NLRC4: variants seen among roughly 807,000 people sequenced by gnomAD.
The protein encoded by NLRC4 is NLR family CARD domain containing 4, also known as NLR family CARD domain-containing protein 4.
Under a neutral mutation model 79.9 loss-of-function variants are expected in NLRC4, and 63 were observed. The observed-to-expected ratio is 0.79, with a 90% CI of 0.64 to 0.97. The LOEUF is 0.97. NLRC4 is among the 50% of genes least tolerant of loss of function. The pLI is 0.00. For synonymous variants in NLRC4, 461 were observed against 456.5 expected, an observed-to-expected ratio of 1.01 and a Z score of -0.12; for missense variants, 1,074 against 1,215.2, an observed-to-expected ratio of 0.88 and a Z score of 1.73.
chr2:32,238,380 A>G (rs1686720435), intron 5 of NLRC4, 78 bp from the exon 6 acceptor site: 1 of 1,249,436 alleles, frequency 8.0e-7, no homozygotes, highest in African/African-American at 1.5e-5. Context: ...CTGAAAAGAA[A>G]GCAAAGAATA....
At chr2:32,245,699 C>T (rs1214642540) in intron 4 of NLRC4, among the ~76,000 whole-genome samples, 1 of 152,132 alleles carries the variant, frequency 6.6e-6, no homozygotes, top group Non-Finnish European at 1.5e-5. Flanking sequence ...TTACACATTG[C>T]ATGCCTGGAT....
intron 1 of NLRC4, among the ~76,000 whole-genome samples, chr2:32,264,303 G>A (rs559166537): frequency 1.3e-5 from 2 of 151,606 alleles, no homozygotes; most frequent in Non-Finnish European, 1.5e-5. Context: ...GCGCGGTGCC[G>A]GGTGCCTGTA....
intron 8 of NLRC4, among the ~76,000 whole-genome samples, chr2:32,233,138 A>G (rs1457809829): frequency 0.045 from 190 of 4,228 alleles, 4 homozygotes; most frequent in African/African-American, 0.18. Flanking sequence ...GGGAGGGAGG[A>G]AGGAAGGAAG....
At chr2:32,237,143 T>G (rs920014939) in intron 6 of NLRC4, among the ~76,000 whole-genome samples, 2 of 152,214 alleles carry the variant, frequency 1.3e-5, no homozygotes, top group African/African-American at 4.8e-5. Flanking sequence ...CTTCACATAT[T>G]ATCACTCTTG....
chr2:32,261,316 C>CCTTTTTTTTTTTTTTTTT, intron 1 of NLRC4, among the ~76,000 whole-genome samples: 10 of 96,924 alleles, frequency 1.0e-4, no homozygotes, highest in South Asian at 3.1e-4. Flanking sequence ...AGCCTCCCCC[C>CCTTTTTTTTTTTTTTTTT]TTTTGTTTTT....
chr2:32,247,758 C>A (rs1267754216), intron 4 of NLRC4, among the ~76,000 whole-genome samples: 4 of 152,108 alleles, frequency 2.6e-5, no homozygotes, highest in African/African-American at 9.7e-5. Context: ...CCAACATAGA[C>A]CTCTCTCCAC....
intron 4 of NLRC4, among the ~76,000 whole-genome samples, chr2:32,245,794 T>A (rs2148939341): frequency 6.6e-6 from 1 of 152,286 alleles, no homozygotes; most frequent in Non-Finnish European, 1.5e-5. Flanking sequence ...CCTTATAGGG[T>A]TAAGACATCT....
At chr2:32,224,802 ATT>A (rs3832075) in intron 8 of NLRC4, 37 bp from the exon 9 acceptor site, 2 of 1,154,334 alleles carry the variant, frequency 1.7e-6, no homozygotes, top group African/African-American at 3.5e-5. Flanking sequence ...TGGAAGAAAA[ATT>A]TTTTTTAAAA....
In NLRC4 at chr2:32,235,563, T is replaced by C; in HGVS notation, c.2620A>G (p.Arg874Gly). ...GTGAGCTGTTCTAGCACGTTCATCC[T>C]GTCGACTGGAAGAAACAAAGAGCAG... ...GNEALHELID[R>G]MNVLEQLTAL... Residue 874 changes from arginine to glycine, a missense_variant, in exon 8 of 9, where the codon AGG becomes GGG. Transcript: ENST00000402280. 1 of 1,613,008 alleles carries C rather than the reference T, an allele frequency of 6.2e-7. No homozygotes were observed. The highest frequency in any genetic ancestry group is 8.5e-7 in the Non-Finnish European group (1 of 1,179,116).
chr2:32,244,134 C>T (rs1472123405), intron 4 of NLRC4, among the ~76,000 whole-genome samples: 1 of 152,076 alleles, frequency 6.6e-6, no homozygotes, highest in Non-Finnish European at 1.5e-5. Context: ...CTTATGGTCC[C>T]AGCTAGTCAG....
intron 8 of NLRC4, among the ~76,000 whole-genome samples, chr2:32,231,888 G>T (rs143121802): frequency 7.2e-5 from 11 of 152,112 alleles, no homozygotes; most frequent in Admixed American, 2.0e-4. Context: ...CTTTTTTTCT[G>T]TTGCAGGAAC....
chr2:32,251,894 C>T (rs1210087098), intron 3 of NLRC4, among the ~76,000 whole-genome samples: 1 of 152,088 alleles, frequency 6.6e-6, no homozygotes, highest in Non-Finnish European at 1.5e-5. Context: ...AAGAATTTGG[C>T]AGAGAAAGAT....
chr2:32,258,868 A>G (rs1430618700), intron 1 of NLRC4, among the ~76,000 whole-genome samples: 2 of 152,022 alleles, frequency 1.3e-5, no homozygotes, highest in East Asian at 1.9e-4. Flanking sequence ...TAGATGATCT[A>G]CCCCGGCTCC....
At chr2:32,254,140 A>C (rs1687150411) in intron 2 of NLRC4, among the ~76,000 whole-genome samples, 1 of 151,916 alleles carries the variant, frequency 6.6e-6, no homozygotes, top group Non-Finnish European at 1.5e-5. Context: ...AATCCTGAAA[A>C]TTCAATAATC....
At chr2:32,255,220 G>A (rs1322990523) in intron 2 of NLRC4, among the ~76,000 whole-genome samples, 1 of 150,378 alleles carries the variant, frequency 6.6e-6, no homozygotes, top group Non-Finnish European at 1.5e-5. Context: ...TCAGTTTAGA[G>A]CTAAAGAAAT....
At chr2:32,226,821 G>A (rs546580211) in intron 8 of NLRC4, among the ~76,000 whole-genome samples, 12 of 151,990 alleles carry the variant, frequency 7.9e-5, no homozygotes, top group South Asian at 6.2e-4. Flanking sequence ...CAGAGGTTGC[G>A]GTGAGCAGAG....
Position 32,261,316 on chromosome 2 carries a change from C to CCCTTTTTTTTTTTTTTTTTTTTTTTT in NLRC4, c.-119+3421_-119+3422insAAAAAAAAAAAAAAAAAAAAAAAAGG. Among the ~76,000 whole-genome samples the CCCTTTTTTTTTTTTTTTTTTTTTTTT allele has an allele frequency of 1.1e-3, 107 of 96,912 alleles. 6 individuals are homozygous for CCCTTTTTTTTTTTTTTTTTTTTTTTT. Among genetic ancestry groups the CCCTTTTTTTTTTTTTTTTTTTTTTTT allele is most frequent in the Admixed American group, 1.4e-3 (12 of 8,338 alleles). The allele number at this position is 96,912 out of a possible 152,430, so 63.6% of individuals were successfully genotyped here. On this transcript the variant is annotated intron_variant, in intron 1 of 8. Transcript: ENST00000402280. ...TTCTTTCGCCTATTAAGCCTCCCCC[C>CCCTTTTTTTTTTTTTTTTTTTTTTTT]TTTTGTTTTTTTTTGAGATGGAGCC... is the stretch of plus-strand genomic sequence containing the variant.
rs375516770 is a variant in NLRC4, at chr2:32,235,392, T to C, written c.2782+9A>G. ...TCCAGTTATCTTGGCTCTGTATGTG[T>C]GTACCTACCTAAAATTCTAATCTCT... is the stretch of plus-strand genomic sequence containing the variant. On this transcript the variant is annotated intron_variant, in intron 8 of 8. Transcript: ENST00000402280. The C allele has an allele frequency of 1.2e-6, 2 of 1,610,830 alleles. No homozygotes were observed. Among genetic ancestry groups the C allele is most frequent in the Non-Finnish European group, 1.7e-6 (2 of 1,176,916 alleles).
chr2:32,257,948 C>G (rs77690747), intron 1 of NLRC4, among the ~76,000 whole-genome samples: 1 of 152,056 alleles, frequency 6.6e-6, no homozygotes, highest in Non-Finnish European at 1.5e-5. Context: ...CCGTAGGCGT[C>G]TTGTATTAGC....
Sources: allele counts gnomAD v4.1 joint callset (sites outside exome capture counted in the v4.1 genomes callset), GRCh38; gene constraint gnomAD v4.1.1; transcripts MANE v1.5; gene names NCBI Gene and HGNC (gene_info 2026-07-23, HGNC 2026-07-21).